Variants in GRIA2 observed in about 807,000 individuals in gnomAD.
GRIA2 encodes glutamate receptor 2.
A neutral mutation model predicts 97.3 loss-of-function variants in GRIA2; 14 were observed. The ratio of observed to expected loss-of-function variants is 0.14; its 90% confidence interval spans 0.10 to 0.23. GRIA2 has a LOEUF of 0.23. Among genes scored for constraint, GRIA2 ranks in the 10% least tolerant of loss-of-function variants. GRIA2 has a pLI of 1.00. For missense variants in GRIA2, 558 were observed against 1,069.8 expected (o/e 0.52, Z 6.67); for synonymous variants, 412 against 387.8 (o/e 1.06, Z -0.73).
At chr4:157,297,072 T>C (rs201087952) in intron 2 of GRIA2, among the ~76,000 whole-genome samples, 1 of 152,182 alleles carries the variant, frequency 6.6e-6, no homozygotes, top group East Asian at 1.9e-4. Context: ...AGGAGGGTTA[T>C]ATCTGCCATG....
chr4:157,346,771 G>T (rs1410395234), intron 12 of GRIA2, among the ~76,000 whole-genome samples: 1 of 152,058 alleles, frequency 6.6e-6, no homozygotes, highest in Non-Finnish European at 1.5e-5. Flanking sequence ...TCAGTTTTTT[G>T]GGGGCTTGAT....
rs1464206778 is a variant in GRIA2, at chr4:157,221,769, A to G, written c.191A>G (p.Asn64Ser). ...TTCAGACTGACACCCCACATCGACA[A>G]TTTGGAGGTGGCAAACAGCTTCGCA... ...SEFRLTPHIDNLEVANSFAVT... is the reference protein window; with the variant it reads ...SEFRLTPHIDSLEVANSFAVT... The change falls in exon 2 of 16, where the codon AAT becomes AGT. Residue 64 changes from asparagine to serine, a missense_variant. By Grantham distance (46) the Asn-to-Ser change is conservative. This residue lies in a region of GRIA2 where 96 missense variants were observed against 176.6 expected (regional missense o/e 0.54). Transcript: ENST00000264426. 2.5e-6 allele frequency: 4 copies of G among 1,613,844 alleles called. No homozygotes were observed. Among genetic ancestry groups the G allele is most frequent in the Non-Finnish European group, 3.4e-6 (4 of 1,179,852 alleles).
At chr4:157,273,138 A>G (rs553786695) in intron 2 of GRIA2, among the ~76,000 whole-genome samples, 1 of 152,258 alleles carries the variant, frequency 6.6e-6, no homozygotes, top group East Asian at 1.9e-4. Flanking sequence ...ATTAGTTATT[A>G]TAAGTAACCT....
upstream of GRIA2, chr4:157,220,396 C>T (rs565123632): frequency 4.6e-5 from 7 of 152,338 alleles, no homozygotes; most frequent in South Asian, 1.5e-3. Flanking sequence ...GAGGCGCTGT[C>T]CTCGGTGCTG....
At position 157,240,454 on chromosome 4, in the gene GRIA2, C is replaced by T. The variant is rs72962817; in HGVS notation, c.229+18647C>T. ...GTTTTTCTTGCACTGTGAACTTTAT[C>T]TTACATTTTATTTATTTCCTTTCCT... On this transcript the variant is annotated intron_variant, in intron 2 of 15. Coordinates refer to ENST00000264426, the MANE Select transcript of GRIA2 (RefSeq NM_001083619.3). 8.2e-3 allele frequency among the ~76,000 whole-genome samples: 1,248 copies of T among 152,056 alleles called. 13 individuals carry two copies. Among genetic ancestry groups the T allele is most frequent in the African/African-American group, 0.029 (1,188 of 41,508 alleles).
intron 12 of GRIA2, among the ~76,000 whole-genome samples, chr4:157,358,457 T>C (rs1051095467): frequency 7.9e-5 from 12 of 152,322 alleles, no homozygotes; most frequent in African/African-American, 2.9e-4. Context: ...ATCTAAAATC[T>C]GAAGCGGCAT....
At chr4:157,333,504 A>G (rs1045070226) in intron 8 of GRIA2, 151 bp downstream of exon 8, 2 of 437,482 alleles carry the variant, frequency 4.6e-6, no homozygotes, top group South Asian at 6.0e-5. Flanking sequence ...TTTTTTTCCT[A>G]AAGTCTGTTT....
At chr4:157,348,812 A>G (rs1000759836) in intron 12 of GRIA2, among the ~76,000 whole-genome samples, 1 of 152,226 alleles carries the variant, frequency 6.6e-6, no homozygotes, top group African/African-American at 2.4e-5. Context: ...ATATTTGCTT[A>G]TATGAATTAT....
intron 2 of GRIA2, among the ~76,000 whole-genome samples, chr4:157,301,080 A>G (rs1330155600): frequency 2.0e-5 from 3 of 152,216 alleles, no homozygotes; most frequent in African/African-American, 7.2e-5. Context: ...CCTAGATGAC[A>G]TGCCCACACT....
intron 2 of GRIA2, among the ~76,000 whole-genome samples, chr4:157,257,786 A>T (rs1229175946): frequency 6.6e-6 from 1 of 152,078 alleles, no homozygotes; most frequent in Non-Finnish European, 1.5e-5. Flanking sequence ...AGTATTACTG[A>T]TTCTTTTAAA....
At chr4:157,249,432 A>G (rs957068306) in intron 2 of GRIA2, 3 of 152,308 alleles carry the variant, frequency 2.0e-5, no homozygotes, top group Admixed American at 2.0e-4. Context: ...ATGTGAAATT[A>G]TAGACTCATC....
intron 6 of GRIA2, among the ~76,000 whole-genome samples, chr4:157,326,168 G>C (rs1184914438): frequency 2.0e-5 from 3 of 151,948 alleles, no homozygotes; most frequent in African/African-American, 4.8e-5. Flanking sequence ...TTTCTTGACT[G>C]TTGTCCCCTT....
intron 2 of GRIA2, among the ~76,000 whole-genome samples, chr4:157,226,223 T>A (rs1041061694): frequency 6.6e-6 from 1 of 152,022 alleles, no homozygotes; most frequent in Admixed American, 6.5e-5. Context: ...ATCTACTTTT[T>A]CTCCAAGCCA....
chr4:157,331,881 G>A (rs1012512948), intron 6 of GRIA2, among the ~76,000 whole-genome samples: 1 of 152,046 alleles, frequency 6.6e-6, no homozygotes, highest in Non-Finnish European at 1.5e-5. Flanking sequence ...CTGAGTACCT[G>A]TTTTGGATTG....
At chr4:157,354,373 G>T (rs1478109870) in intron 12 of GRIA2, among the ~76,000 whole-genome samples, 1 of 152,116 alleles carries the variant, frequency 6.6e-6, no homozygotes, top group Non-Finnish European at 1.5e-5. Flanking sequence ...TAATTTATAT[G>T]AAATGTTTCT....
chr4:157,355,874 T>TAA (rs1475644971), intron 12 of GRIA2, among the ~76,000 whole-genome samples: 1 of 57,896 alleles, frequency 1.7e-5, no homozygotes, highest in Non-Finnish European at 3.2e-5. Context: ...TATTAACATA[T>TAA]TTATATATAT....
At chr4:157,343,762 G>A (rs1234583079) in intron 12 of GRIA2, among the ~76,000 whole-genome samples, 3 of 151,996 alleles carry the variant, frequency 2.0e-5, no homozygotes, top group African/African-American at 7.2e-5. Flanking sequence ...AATAGGAACT[G>A]TATATGTTAA....
intron 2 of GRIA2, among the ~76,000 whole-genome samples, chr4:157,261,703 T>C (rs1371790364): frequency 2.6e-5 from 4 of 152,178 alleles, no homozygotes; most frequent in Non-Finnish European, 5.9e-5. Flanking sequence ...TTTCTTTTGC[T>C]TTGTATTTGT....
intron 2 of GRIA2, among the ~76,000 whole-genome samples, chr4:157,225,985 T>C (rs890661375): frequency 6.6e-6 from 1 of 151,998 alleles, no homozygotes; most frequent in African/African-American, 2.4e-5. Context: ...AAAATAAAAC[T>C]GTGTAAAAGG....
Sources: gnomAD v4.1 joint callset for allele counts (sites outside exome capture counted in the v4.1 genomes callset) on GRCh38, gnomAD v4.1.1 for gene constraint, gnomAD v4.1.1 regional missense constraint, MANE v1.5 for transcripts, NCBI Gene and HGNC (gene_info 2026-07-23, HGNC 2026-07-21) for gene names.